The following AFF3 variants were observed in gnomAD, a reference collection of about 807,000 sequenced individuals.
AFF3 encodes ALF transcription elongation factor 3.
AFF3 carries 32 observed loss-of-function variants against 129.7 expected under a neutral mutation model. That is an observed-to-expected ratio of 0.25 (90% CI 0.19 to 0.33). The LOEUF is 0.33. Among genes scored for constraint, AFF3 ranks in the 10% least tolerant of loss-of-function variants. The pLI, the probability that AFF3 is intolerant of heterozygous loss-of-function variation, is 1.00. For missense variants in AFF3, 1,373 were observed against 1,592.0 expected (o/e 0.86, Z 2.34); for synonymous variants, 644 against 635.4 (o/e 1.01, Z -0.20).
chr2:99,972,946 G>A (rs1678535092), intron 7 of AFF3, among the ~76,000 whole-genome samples: 1 of 152,142 alleles, frequency 6.6e-6, no homozygotes, highest in African/African-American at 2.4e-5. Context: ...CAGCAAAACA[G>A]GCACCTCAAC....
chr2:100,071,518 G>GA (rs1688181359), intron 4 of AFF3, among the ~76,000 whole-genome samples: 1 of 152,126 alleles, frequency 6.6e-6, no homozygotes. Flanking sequence ...CTTTACCCAC[G>GA]AAACACGTCG....
intron 8 of AFF3, among the ~76,000 whole-genome samples, chr2:99,803,787 A>C (rs1686136452): frequency 6.6e-6 from 1 of 152,210 alleles, no homozygotes. Context: ...AAATACTTAC[A>C]ACCAACTGAT....
intron 4 of AFF3, among the ~76,000 whole-genome samples, chr2:100,052,535 T>A (rs1348666463): frequency 1.3e-5 from 2 of 152,080 alleles, no homozygotes; most frequent in Non-Finnish European, 2.9e-5. Context: ...AGTCCCGTGT[T>A]AACAGCAAAC....
In AFF3 at chr2:99,547,454, T is replaced by G. The variant is rs1674113991; in HGVS notation, c.*4020A>C. ...TACAAATAGGAAATCACACGCAGATTACTGGGTCTGAAGAGTGTCTACATT... is the reference window on the plus strand; with the variant it reads ...TACAAATAGGAAATCACACGCAGATGACTGGGTCTGAAGAGTGTCTACATT... On this transcript the variant is annotated 3_prime_UTR_variant, in exon 25 of 25. Coordinates refer to ENST00000672756, the MANE Select transcript of AFF3 (RefSeq NM_001386135.1). 1 of 214,112 alleles carries G rather than the reference T, an allele frequency of 4.7e-6. No homozygotes were observed. The allele number at this position is 214,112 out of a possible 1,614,324, so 13.3% of individuals were successfully genotyped here.
chr2:99,781,730 A>G (rs934324270), intron 8 of AFF3, among the ~76,000 whole-genome samples: 1 of 152,230 alleles, frequency 6.6e-6, no homozygotes, highest in Admixed American at 6.5e-5. Context: ...GGCACCAAAC[A>G]CATTTGCTCG....
In AFF3 at chr2:99,813,035, A is replaced by G. The variant is rs566129637; in HGVS notation, c.921+24442T>C. Among the ~76,000 whole-genome samples the G allele has an allele frequency of 8.9e-5, 13 of 146,590 alleles. No homozygotes were observed. The South Asian group carries it at 1.9e-3, about 22-fold the overall frequency. On this transcript the variant is annotated intron_variant, in intron 8 of 24. Coordinates refer to ENST00000672756, the MANE Select transcript of AFF3 (RefSeq NM_001386135.1). ...TGTCAAAATGAAGGGCTTGACCTCCAAAAAAAAAAAGATAATCAGGAAATA... is the reference window on the plus strand; with the variant it reads ...TGTCAAAATGAAGGGCTTGACCTCCGAAAAAAAAAAGATAATCAGGAAATA...
At chr2:100,095,937 C>A (rs1690247488) in intron 4 of AFF3, among the ~76,000 whole-genome samples, 1 of 152,180 alleles carries the variant, frequency 6.6e-6, no homozygotes, top group African/African-American at 2.4e-5. Context: ...AGGTCCCCAA[C>A]TGAAGTATCT....
rs896350657 is a variant in AFF3, at chr2:100,000,512, G to A, written c.873+6120C>T. On this transcript the variant is annotated intron_variant, in intron 7 of 24. Coordinates refer to ENST00000672756, the MANE Select transcript of AFF3 (RefSeq NM_001386135.1). ...AATTTCATCTCTCTCTAGCACGCGC[G>A]CACACACACACACACACACATACAC... Among the ~76,000 whole-genome samples the A allele has an allele frequency of 4.0e-4, 59 of 148,862 alleles. 1 individual carries two copies. In the South Asian group the frequency reaches 9.8e-3, roughly 25 times the overall value.
intron 13 of AFF3, among the ~76,000 whole-genome samples, chr2:99,610,602 G>C (rs1213256203): frequency 1.3e-5 from 2 of 152,146 alleles, no homozygotes; most frequent in African/African-American, 4.8e-5. Context: ...GGGACATTCT[G>C]GCTGCTTCCA....
rs150349149 is a variant in AFF3, at chr2:99,600,608, C to G, written c.1371+827G>C. ...GAGGGCTGTAAGTAAAAAATTAAAC[C>G]TGACAATCATTAGTCATGTCAAATG... On this transcript the variant is annotated intron_variant, in intron 14 of 24. Coordinates refer to ENST00000672756, the MANE Select transcript of AFF3 (RefSeq NM_001386135.1). Among the ~76,000 whole-genome samples, 753 of 152,218 alleles carry G rather than the reference C, an allele frequency of 4.9e-3. 7 individuals are homozygous for G. Among genetic ancestry groups the G allele is most frequent in the African/African-American group, 0.017 (703 of 41,520 alleles).
chr2:99,922,055 A>C (rs575106402), intron 7 of AFF3, among the ~76,000 whole-genome samples: 10 of 152,284 alleles, frequency 6.6e-5, no homozygotes, highest in South Asian at 2.1e-4. Flanking sequence ...AAGACTAACA[A>C]CACCAACTGT....
intron 2 of AFF3, among the ~76,000 whole-genome samples, chr2:100,121,922 C>T (rs1337542690): frequency 5.3e-5 from 8 of 151,776 alleles, no homozygotes; most frequent in Admixed American, 2.0e-4. Context: ...ATTAGCCGGG[C>T]GCGGTGGCGG....
chr2:99,902,275 T>G (rs1320062455), intron 7 of AFF3, among the ~76,000 whole-genome samples: 3 of 152,106 alleles, frequency 2.0e-5, no homozygotes, highest in South Asian at 4.2e-4. Flanking sequence ...TAGTATTGAC[T>G]TGTTATACAT....
Position 99,584,324 on chromosome 2 carries a change from CG to C in AFF3, c.2592-1326del, listed in dbSNP as rs1169599562. ...CTCTGCTAAAAATACAAAAATTAGC[CG>C]GGTGTGGTGGCGCATGCCTGTAATC... On this transcript the variant is annotated intron_variant, in intron 16 of 24. Transcript: ENST00000672756. Among the ~76,000 whole-genome samples, 8 of 152,064 alleles carry C rather than the reference CG, an allele frequency of 5.3e-5. No individual in the cohort carries two copies. In the East Asian group the frequency reaches 1.6e-3, roughly 30 times the overall value.
intron 4 of AFF3, among the ~76,000 whole-genome samples, chr2:100,075,182 C>A (rs572128223): frequency 3.3e-5 from 5 of 152,182 alleles, no homozygotes; most frequent in East Asian, 1.9e-4. Context: ...GGACCATGGG[C>A]AAACAGAAGC....
intron 7 of AFF3, among the ~76,000 whole-genome samples, chr2:99,937,117 T>C (rs951886179): frequency 5.3e-5 from 8 of 152,194 alleles, no homozygotes; most frequent in African/African-American, 1.2e-4. Flanking sequence ...TTTTGAATAT[T>C]TGCATTATAG....
chr2:100,070,746 G>A (rs1325859234), intron 4 of AFF3, among the ~76,000 whole-genome samples: 6 of 151,880 alleles, frequency 4.0e-5, no homozygotes, highest in African/African-American at 7.3e-5. Context: ...ATTTCTCTAC[G>A]CTCATTTCTG....
At position 99,601,428 on chromosome 2, in the gene AFF3, C is replaced by T. The variant is rs754218099; in HGVS notation, c.1371+7G>A. 8.1e-6 allele frequency: 13 copies of T among 1,595,668 alleles called. No individual in the cohort carries two copies. Among genetic ancestry groups the T allele is most frequent in the East Asian group, 2.2e-5 (1 of 44,456 alleles). On this transcript the variant is annotated splice_region_variant and intron_variant, in intron 14 of 24. Transcript: ENST00000672756. ...CAGAGGAGAGGCCTGAGCCAGGCAG[C>T]GCTTACCTCGGGGCTGGAGAAGTGG...
At chr2:99,859,214 C>T (rs1320735018) in intron 7 of AFF3, among the ~76,000 whole-genome samples, 1 of 152,238 alleles carries the variant, frequency 6.6e-6, no homozygotes, top group Non-Finnish European at 1.5e-5. Context: ...GAGTTATCCT[C>T]AGCACTCTGG....
Sources: allele counts gnomAD v4.1 joint callset (sites outside exome capture counted in the v4.1 genomes callset), GRCh38; gene constraint gnomAD v4.1.1; transcripts MANE v1.5; gene names NCBI Gene and HGNC (gene_info 2026-07-23, HGNC 2026-07-21).